GSE1: variants seen among roughly 807,000 people sequenced by gnomAD.
The protein encoded by GSE1 is Gse1 coiled-coil protein.
In GSE1, 32 loss-of-function variants were observed where a neutral mutation model predicts 112.6. The ratio of observed to expected loss-of-function variants is 0.28; its 90% CI spans 0.21 to 0.38. GSE1 has a LOEUF of 0.38. Ranked by LOEUF, GSE1 falls within the 10% of genes least tolerant of loss-of-function variation. The pLI, the probability that GSE1 is intolerant of heterozygous loss-of-function variation, is 1.00. For missense variants in GSE1, 2,348 were observed against 1,699.2 expected (o/e 1.38, Z -6.71); for synonymous variants, 1,115 against 735.6 (o/e 1.52, Z -8.35).
chr16:85,603,066 C>CT (rs1290376986), intron 1 of GSE1, among the ~76,000 whole-genome samples: 1 of 152,268 alleles, frequency 6.6e-6, no homozygotes, highest in Non-Finnish European at 1.5e-5. Context: ...TGCAGCCCTG[C>CT]TTGGAGACAG....
chr16:85,310,630 C>T (rs1383312898), intron 1 of GSE1, among the ~76,000 whole-genome samples: 1 of 152,068 alleles, frequency 6.6e-6, no homozygotes. Flanking sequence ...ACCTGGGCAT[C>T]CTCTCTCAGC....
chr16:85,572,087 CCCCACAT>C (rs2046008048), intron 1 of GSE1, among the ~76,000 whole-genome samples: 1 of 149,812 alleles, frequency 6.7e-6, no homozygotes, highest in Non-Finnish European at 1.5e-5. Flanking sequence ...CCCCCCCACA[CCCCACAT>C]ACCACACACA....
At chr16:85,649,412 A>T (rs1377702244) in intron 3 of GSE1, among the ~76,000 whole-genome samples, 2 of 152,184 alleles carry the variant, frequency 1.3e-5, no homozygotes, top group African/African-American at 2.4e-5. Context: ...CCCAGCCCAG[A>T]CGCTATCAGA....
chr16:85,444,119 G>C (rs2049449460), intron 2 of GSE1, among the ~76,000 whole-genome samples: 1 of 151,506 alleles, frequency 6.6e-6, no homozygotes, highest in Non-Finnish European at 1.5e-5. Flanking sequence ...GGAGTAGATG[G>C]GACTACAGGC....
Position 85,414,259 on chromosome 16 carries a change from G to A in GSE1, c.2464+56616G>A, listed in dbSNP as rs112117317. ...ACTCGGAAACATCAGATACTTTCAC[G>A]TGCTGAGAAAGCTGGTATTTCGGGA... is the stretch of plus-strand genomic sequence containing the variant. On this transcript the variant is annotated intron_variant, in intron 2 of 2. Transcript: ENST00000637419. Among the ~76,000 whole-genome samples, 607 of 152,320 alleles carry A rather than the reference G, an allele frequency of 4.0e-3. 6 individuals carry two copies. The highest frequency in any genetic ancestry group is 0.013 in the African/African-American group (542 of 41,572).
At chr16:85,664,785 A>T (rs999778242) in intron 11 of GSE1, 2 of 490,624 alleles carry the variant, frequency 4.1e-6, no homozygotes, top group Non-Finnish European at 7.3e-6. Flanking sequence ...CCGCACGGAC[A>T]GCTGTCTTTG....
chr16:85,237,155 C>T (rs1904747348), intron 1 of GSE1, among the ~76,000 whole-genome samples: 1 of 152,140 alleles, frequency 6.6e-6, no homozygotes, highest in Non-Finnish European at 1.5e-5. Context: ...GAAACCCCGC[C>T]TCTACTAAAA....
chr16:85,619,564 G>A (rs1160510728), intron 1 of GSE1, among the ~76,000 whole-genome samples: 1 of 152,194 alleles, frequency 6.6e-6, no homozygotes, highest in Admixed American at 6.5e-5. Flanking sequence ...GCGCTCTTAC[G>A]TGGTGTGATC....
At chr16:85,539,907 C>G (rs935349100) in intron 2 of GSE1, among the ~76,000 whole-genome samples, 7 of 152,216 alleles carry the variant, frequency 4.6e-5, no homozygotes, top group African/African-American at 1.4e-4. Context: ...AGTCCTGGCC[C>G]TCGTGGGGCC....
In GSE1 at chr16:85,655,737, C is replaced by G; in HGVS notation, c.809C>G (p.Ser270Cys). 6.2e-7 allele frequency: 1 copy of G among 1,604,192 alleles called. No individual in the cohort carries two copies. The highest frequency in any genetic ancestry group is 8.5e-7 in the Non-Finnish European group (1 of 1,175,254). The change falls in exon 6 of 16, where the codon TCC becomes TGC. Residue 270 changes from serine (S) to cysteine (C), a missense_variant. Ser to Cys is a moderately radical substitution (Grantham distance 112). Coordinates refer to ENST00000253458, the MANE Select transcript of GSE1 (RefSeq NM_014615.5). The part of the protein sequence containing the change: ...FPHPAFRMDD[S>C]YCLSALRSPF... ...TCTTCTCTGCACAGGATGGACGACT[C>G]CTACTGCCTGTCTGCCCTGAGGTCC...
At chr16:85,340,514 A>G (rs2046602611) in intron 1 of GSE1, among the ~76,000 whole-genome samples, 1 of 151,950 alleles carries the variant, frequency 6.6e-6, no homozygotes, top group Non-Finnish European at 1.5e-5. Flanking sequence ...GGTAGTGCAC[A>G]CCTGTAATCC....
intron 1 of GSE1, among the ~76,000 whole-genome samples, chr16:85,592,094 C>T (rs888502575): frequency 8.5e-5 from 13 of 152,162 alleles, no homozygotes; most frequent in South Asian, 2.1e-4. Context: ...GGAAGAGCTC[C>T]GTGTGAGGAG....
chr16:85,634,822 G>A (rs776355092), intron 2 of GSE1, among the ~76,000 whole-genome samples: 2 of 152,146 alleles, frequency 1.3e-5, no homozygotes, highest in African/African-American at 2.4e-5. Context: ...ACTTTTTGGC[G>A]CCTGCGATGA....
At chr16:85,564,559 C>G (rs774895935) in intron 1 of GSE1, among the ~76,000 whole-genome samples, 1 of 152,162 alleles carries the variant, frequency 6.6e-6, no homozygotes, top group Non-Finnish European at 1.5e-5. Flanking sequence ...GCTCTCCTTT[C>G]TACTCTGGGG....
chr16:85,670,381 T>C (rs1195878007), intron 14 of GSE1, among the ~76,000 whole-genome samples: 1 of 150,388 alleles, frequency 6.6e-6, no homozygotes, highest in Non-Finnish European at 1.5e-5. Flanking sequence ...CATCCTTTGA[T>C]TTTTTTTTTC....
At chr16:85,259,672 G>C (rs1907463337) in intron 1 of GSE1, among the ~76,000 whole-genome samples, 1 of 152,164 alleles carries the variant, frequency 6.6e-6, no homozygotes. Flanking sequence ...GAGGAGAGGG[G>C]AATTGAGAGC....
intron 1 of GSE1, among the ~76,000 whole-genome samples, chr16:85,178,651 A>G (rs977693664): frequency 1.3e-5 from 2 of 152,004 alleles, no homozygotes; most frequent in Non-Finnish European, 2.9e-5. Context: ...AAAGGATGCT[A>G]TTCCAGGTTT....
intron 2 of GSE1, among the ~76,000 whole-genome samples, chr16:85,401,865 AGCCATCTAACTGT>A (rs2048122550): frequency 6.6e-6 from 1 of 152,184 alleles, no homozygotes; most frequent in Non-Finnish European, 1.5e-5. Flanking sequence ...CCGTGTTCCC[AGCCATCTAACTGT>A]GCCTGGCGTG....
At chr16:85,422,298 T>A (rs1390767701) in intron 2 of GSE1, among the ~76,000 whole-genome samples, 3 of 151,278 alleles carry the variant, frequency 2.0e-5, no homozygotes, top group Non-Finnish European at 2.9e-5. Flanking sequence ...GCTGTCAGGA[T>A]CCTCCCCGCA....
Sources: allele counts gnomAD v4.1 joint callset (sites outside exome capture counted in the v4.1 genomes callset), GRCh38; gene constraint gnomAD v4.1.1; transcripts MANE v1.5; gene names NCBI Gene and HGNC (gene_info 2026-07-23, HGNC 2026-07-21).